Variants in STRA6 observed in about 807,000 individuals in gnomAD.
The protein encoded by STRA6 is receptor for retinol uptake STRA6.
In STRA6, 48 loss-of-function variants were observed where a neutral mutation model predicts 83.6. The observed-to-expected ratio is 0.57, with a 90% confidence interval of 0.46 to 0.73. STRA6 has a LOEUF of 0.73. STRA6 is among the 30% of genes least tolerant of loss of function. The pLI is 0.00. For synonymous variants in STRA6, 353 were observed against 362.3 expected, an observed-to-expected ratio of 0.97 and a Z score of 0.29; for missense variants, 760 against 838.8, an observed-to-expected ratio of 0.91 and a Z score of 1.16.
rs1595818454 is a variant in STRA6 at position 74,180,144 on chromosome 15, T to C, written c.1940A>G (p.His647Arg). The change falls in exon 19 of 19, where the codon CAC becomes CGC. Residue 647 changes from histidine to arginine, a missense_variant. Physicochemically the swap from His to Arg is conservative, Grantham distance 29. Transcript: ENST00000395105. ...ARWGLAYTLL[H>R]NPTLQVFRKT... ...GCGGAAGACCTGCAGGGTTGGGTTG[T>C]GCAGCAGCGTGTAGGCCAGACCCCA... 8 of 1,613,878 alleles carry C rather than the reference T, an allele frequency of 5.0e-6. No homozygotes were observed. The East Asian group carries it at 1.8e-4, about 36-fold the overall frequency.
intron 1 of STRA6, 175 bp downstream of exon 1, chr15:74,202,538 A>T (rs779810075): frequency 1.3e-6 from 2 of 1,489,426 alleles, no homozygotes; most frequent in South Asian, 2.6e-5. Flanking sequence ...TCCTGCAGAG[A>T]TAGCTGTCCC....
At position 74,183,880 on chromosome 15, in the gene STRA6, A is replaced by G. The variant is rs1169373708; in HGVS notation, c.1276T>C (p.Tyr426His). The change falls in exon 14 of 19, where the codon TAC becomes CAC. Residue 426 changes from tyrosine to histidine, a missense_variant. Coordinates refer to ENST00000395105, the MANE Select transcript of STRA6 (RefSeq NM_022369.4). ...CCAAGGCAGATAAAGGCTGTCTGGT[A>G]GGCACTGAAGCTCATCCAACAGAAT... Reference protein sequence around the residue: ...AIFCWMSFSAYQTAFICLGLL... With the variant: ...AIFCWMSFSAHQTAFICLGLL... 4 of 1,614,102 alleles carry G rather than the reference A, an allele frequency of 2.5e-6. No homozygotes were observed. In the Admixed American group the frequency reaches 6.7e-5, roughly 27 times the overall value.
intron 7 of STRA6, chr15:74,195,052 C>T: frequency 6.9e-7 from 1 of 1,445,916 alleles, no homozygotes; most frequent in East Asian, 2.5e-5. Context: ...CCCTACTCTG[C>T]CCACTTCCCC....
chr15:74,197,571 G>A (rs181152472), intron 3 of STRA6, 148 bp from the exon 4 acceptor site: 1 of 1,083,302 alleles, frequency 9.2e-7, no homozygotes, highest in Admixed American at 2.0e-5. Flanking sequence ...AGGGGTGACA[G>A]ACATCTGGAA....
intron 8 of STRA6, 59 bp downstream of exon 8, chr15:74,193,741 G>C: frequency 1.2e-6 from 2 of 1,606,344 alleles, no homozygotes; most frequent in South Asian, 1.1e-5. Flanking sequence ...CCACAGATAC[G>C]GGGGAGTAGG....
At chr15:74,182,629 G>A (rs2073052411) in intron 14 of STRA6, 169 bp from the exon 15 acceptor site, 1 of 616,928 alleles carries the variant, frequency 1.6e-6, no homozygotes, top group African/African-American at 1.8e-5. Context: ...ACTTCATTGA[G>A]CCTCAGTTTC....
upstream of STRA6, chr15:74,209,676 A>T (rs911214416): frequency 5.6e-6 from 3 of 533,624 alleles, no homozygotes; most frequent in African/African-American, 5.7e-5. Flanking sequence ...GCTGCTGGAC[A>T]GTCGGCTGCA....
chr15:74,207,639 C>T (rs7171215), upstream of STRA6: 10,264 of 1,468,988 alleles, frequency 7.0e-3, 537 homozygotes, highest in African/African-American at 0.12. Flanking sequence ...TTCGATAGCA[C>T]GGAAGAGAAC....
At chr15:74,181,594 C>A in intron 16 of STRA6, 136 bp from the exon 17 acceptor site, 2 of 1,228,256 alleles carry the variant, frequency 1.6e-6, no homozygotes, top group Non-Finnish European at 1.1e-6. Flanking sequence ...TCTGTGCACC[C>A]CACCCTGGGC....
In STRA6 at chr15:74,180,765, C is replaced by T. The variant is rs781770482; in HGVS notation, c.1840+17G>A. The T allele has an allele frequency of 1.0e-5, 16 of 1,598,934 alleles. No homozygotes were observed. The highest frequency in any genetic ancestry group is 4.0e-5 in the African/African-American group (3 of 74,574). ...CTGGGTAGGCTCTATTCCCCCATTC[C>T]CAGTGGGAGGGCGCACCTTCGTCTT... On this transcript the variant is annotated intron_variant, in intron 18 of 18. Transcript: ENST00000395105.
upstream of STRA6, among the ~76,000 whole-genome samples, chr15:74,204,400 A>T (rs148178731): frequency 6.6e-6 from 1 of 152,222 alleles, no homozygotes; most frequent in Non-Finnish European, 1.5e-5. Context: ...GGCCTGTCCT[A>T]TACAGGCGGC....
chr15:74,208,372 G>T (rs545856365), intron 1 of STRA6, among the ~76,000 whole-genome samples: 1 of 152,112 alleles, frequency 6.6e-6, no homozygotes, highest in Admixed American at 6.5e-5. Context: ...TTCCCAGCAC[G>T]TTCCTCCCTG....
chr15:74,209,046 C>T, upstream of STRA6: 10 of 1,178,542 alleles, frequency 8.5e-6, no homozygotes, highest in East Asian at 5.1e-5. Context: ...TCCCGGAAGG[C>T]AGCTCCCCCC....
At chr15:74,197,900 A>T in intron 2 of STRA6, 82 bp from the exon 3 acceptor site, 1 of 1,443,290 alleles carries the variant, frequency 6.9e-7, no homozygotes, top group Non-Finnish European at 9.6e-7. Context: ...AAGACTGTTC[A>T]CACTGAGGCT....
chr15:74,208,078 T>C, intron 1 of STRA6: 2 of 1,232,096 alleles, frequency 1.6e-6, no homozygotes, highest in Non-Finnish European at 2.1e-6. Context: ...CAGGCTGTTC[T>C]GGTATGAGGG....
At position 74,183,669 on chromosome 15, in the gene STRA6, C is replaced by A. The variant is rs74815288; in HGVS notation, c.1300+187G>T. 2,160 of 1,527,100 alleles carry A rather than the reference C, an allele frequency of 1.4e-3. 22 individuals carry two copies. The African/African-American group carries it at 0.021, about 15-fold the overall frequency. 94.6% of individuals were successfully genotyped at this position (1,527,100 alleles called of 1,614,324 possible). ...CTCAATTTCCCGAGGGCTCCTGTAC[C>A]CCCATCCTGAATAAGCTTCTTAAGG... On this transcript the variant is annotated intron_variant, in intron 14 of 18. Transcript: ENST00000395105.
intron 7 of STRA6, chr15:74,195,043 C>G (rs2073742819): frequency 6.9e-7 from 1 of 1,441,672 alleles, no homozygotes; most frequent in Non-Finnish European, 9.1e-7. Context: ...TTCTCTTCCC[C>G]CTACTCTGCC....
At chr15:74,182,086 G>A (rs888367973) in intron 16 of STRA6, 75 bp downstream of exon 16, 1 of 1,262,036 alleles carries the variant, frequency 7.9e-7, no homozygotes, top group Middle Eastern at 1.9e-4. Context: ...GCAGTGGAGG[G>A]AGGACACAAA....
At chr15:74,199,217 G>C (rs941716513) in intron 2 of STRA6, among the ~76,000 whole-genome samples, 33 of 152,234 alleles carry the variant, frequency 2.2e-4, no homozygotes, top group African/African-American at 6.8e-4. Context: ...GGGGAGTGCA[G>C]AGCCCTGGGA....
Sources: gnomAD v4.1 joint callset for allele counts (sites outside exome capture counted in the v4.1 genomes callset) on GRCh38, gnomAD v4.1.1 for gene constraint, MANE v1.5 for transcripts, NCBI Gene and HGNC (gene_info 2026-07-23, HGNC 2026-07-21) for gene names.